The following SH3PXD2A variants were observed in gnomAD, a reference collection of about 807,000 sequenced individuals.
SH3PXD2A encodes SH3 and PX domain-containing protein 2A.
SH3PXD2A carries 32 observed loss-of-function variants against 115.2 expected under a neutral mutation model. That is an observed-to-expected ratio of 0.28 (90% CI 0.21 to 0.37). The LOEUF is 0.37. Ranked by LOEUF, SH3PXD2A falls within the 10% of genes least tolerant of loss-of-function variation. The pLI is 1.00. For synonymous variants in SH3PXD2A, 610 were observed against 629.1 expected, an observed-to-expected ratio of 0.97 and a Z score of 0.45; for missense variants, 1,328 against 1,498.7, an observed-to-expected ratio of 0.89 and a Z score of 1.88.
At chr10:103,744,120 G>C (rs2038473825) in intron 3 of SH3PXD2A, among the ~76,000 whole-genome samples, 2 of 151,828 alleles carry the variant, frequency 1.3e-5, no homozygotes, top group South Asian at 4.2e-4. Context: ...CCTAGGCTAG[G>C]GTGGGAGTGG....
chr10:103,827,235 G>C (rs1286486137), intron 1 of SH3PXD2A, among the ~76,000 whole-genome samples: 1 of 152,116 alleles, frequency 6.6e-6, no homozygotes, highest in Non-Finnish European at 1.5e-5. Context: ...TAAAAACTGG[G>C]CCACTTCTGG....
chr10:103,822,612 G>A (rs917637112), intron 1 of SH3PXD2A, among the ~76,000 whole-genome samples: 1 of 152,238 alleles, frequency 6.6e-6, no homozygotes, highest in African/African-American at 2.4e-5. Context: ...CAAGCTCAGG[G>A]CAGCCTCTTC....
chr10:103,614,938 C>T (rs7901223), intron 11 of SH3PXD2A, among the ~76,000 whole-genome samples: 20,890 of 152,136 alleles, frequency 0.14, 1,659 homozygotes, highest in East Asian at 0.31. Context: ...GAGCCAAGCT[C>T]GCCTCCCCAG....
chr10:103,745,032 C>T (rs2038485933), intron 3 of SH3PXD2A, among the ~76,000 whole-genome samples: 1 of 152,230 alleles, frequency 6.6e-6, no homozygotes, highest in Non-Finnish European at 1.5e-5. Flanking sequence ...CAGCCATGGG[C>T]ATGCAACCCA....
chr10:103,830,199 G>A (rs754045087), intron 1 of SH3PXD2A, among the ~76,000 whole-genome samples: 1 of 152,246 alleles, frequency 6.6e-6, no homozygotes, highest in Non-Finnish European at 1.5e-5. Flanking sequence ...GATAATGGAG[G>A]AAGGTTTCGG....
At chr10:103,712,001 G>A (rs1294757267) in intron 5 of SH3PXD2A, among the ~76,000 whole-genome samples, 3 of 151,672 alleles carry the variant, frequency 2.0e-5, no homozygotes, top group African/African-American at 7.3e-5. Flanking sequence ...AGCCACGATT[G>A]TGCCACTGAG....
intron 8 of SH3PXD2A, among the ~76,000 whole-genome samples, chr10:103,644,711 G>T (rs1446436850): frequency 6.6e-6 from 1 of 152,192 alleles, no homozygotes; most frequent in African/African-American, 2.4e-5. Flanking sequence ...GCCTAAACTG[G>T]ATGGTAGCCC....
chr10:103,724,407 G>T, intron 4 of SH3PXD2A, 46 bp from the exon 5 acceptor site: 1 of 1,213,268 alleles, frequency 8.2e-7, no homozygotes, highest in South Asian at 1.4e-5. Context: ...ATGAACTTGG[G>T]AACAGGAAAA....
At chr10:103,801,000 G>C (rs77646160) in intron 2 of SH3PXD2A, among the ~76,000 whole-genome samples, 18,584 of 152,096 alleles carry the variant, frequency 0.12, 1,602 homozygotes, top group Non-Finnish European at 0.17. Context: ...CCATCCTCCC[G>C]CCTCTTCACC....
rs2134212062 is a variant in SH3PXD2A at position 103,756,382 on chromosome 10, C to T, written c.229+10712G>A. ...GTGGGAGTTTATCTCTTCCAGTGCC[C>T]CTCACCTCCTAAGAAGTTGTTGGGG... On this transcript the variant is annotated intron_variant, in intron 3 of 14. Transcript: ENST00000369774. This position sits in a 1 kb window ranked among gnomAD's most constrained non-coding sequence, Gnocchi z 4.4. Among the ~76,000 whole-genome samples the T allele has an allele frequency of 6.6e-6, 1 of 152,158 alleles. No individual in the cohort carries two copies. The highest frequency in any genetic ancestry group is 2.1e-4 in the South Asian group (1 of 4,816).
rs1216266168 is a variant in SH3PXD2A at position 103,746,376 on chromosome 10, G to A, written c.230-10568C>T. On this transcript the variant is annotated intron_variant, in intron 3 of 14. Transcript: ENST00000369774. This position sits in a 1 kb window ranked among gnomAD's most constrained non-coding sequence, Gnocchi z 4.4. The stretch of plus-strand genomic sequence containing the variant: ...GCTCTGTTGCCCAGCCTGGAGTGCA[G>A]GGGAGTGATCTCGGCTCACTGCAAT... Among the ~76,000 whole-genome samples, 1 of 152,150 alleles carries A rather than the reference G, an allele frequency of 6.6e-6. No homozygotes were observed. The highest frequency in any genetic ancestry group is 1.5e-5 in the Non-Finnish European group (1 of 68,026).
In SH3PXD2A at chr10:103,602,671, G is replaced by C; in HGVS notation, c.2547C>G (p.Ser849Arg). 1 of 1,614,166 alleles carries C rather than the reference G, an allele frequency of 6.2e-7. No homozygotes were observed. Among genetic ancestry groups the C allele is most frequent in the Admixed American group, 1.7e-5 (1 of 60,022 alleles). Residue 849 changes from serine to arginine, a missense_variant, in exon 15 of 15, where the codon AGC becomes AGG. This residue lies in a region of SH3PXD2A where 574 missense variants were observed against 565.7 expected (regional missense o/e 1.01). Coordinates refer to ENST00000369774, the MANE Select transcript of SH3PXD2A (RefSeq NM_001394015.1). The part of the protein sequence containing the change: ...EGPATSYMTC[S>R]AYQKVQDSEI... ...CCGAGTCCTGGACCTTCTGGTAGGC[G>C]CTGCATGTCATGTACGAGGTGGCTG...
chr10:103,640,450 C>G (rs1279238354), intron 8 of SH3PXD2A, among the ~76,000 whole-genome samples: 4 of 152,226 alleles, frequency 2.6e-5, no homozygotes, highest in Middle Eastern at 3.4e-3. Context: ...GCCTGGCACA[C>G]GGATCCCCAG....
chr10:103,612,845 G>T lies in SH3PXD2A; in HGVS notation c.1258+8C>A. 6.5e-7 allele frequency: 1 copy of T among 1,535,300 alleles called. No individual in the cohort carries two copies. Among genetic ancestry groups the T allele is most frequent in the Non-Finnish European group, 8.8e-7 (1 of 1,142,660 alleles). On this transcript the variant is annotated splice_region_variant and intron_variant, in intron 12 of 14. Transcript: ENST00000369774. The stretch of plus-strand genomic sequence containing the variant: ...CAGTGAGGACCTAGAGGTCAGCGAG[G>T]CTCTTACTGATCTGGGCCCGCTGAG...
chr10:103,811,270 G>A (rs577654646), intron 1 of SH3PXD2A, among the ~76,000 whole-genome samples: 35 of 152,298 alleles, frequency 2.3e-4, no homozygotes, highest in Non-Finnish European at 4.1e-4. Context: ...CCCCCAGAAC[G>A]AGAAGAAAAA....
At chr10:103,768,752 T>C (rs553730226) in intron 2 of SH3PXD2A, among the ~76,000 whole-genome samples, 1 of 152,254 alleles carries the variant, frequency 6.6e-6, no homozygotes, top group South Asian at 2.1e-4. Flanking sequence ...CGGTTTGTCT[T>C]AGTCTGTTTA....
intron 1 of SH3PXD2A, among the ~76,000 whole-genome samples, chr10:103,812,464 G>C (rs2039280001): frequency 6.6e-6 from 1 of 151,994 alleles, no homozygotes; most frequent in South Asian, 2.1e-4. Flanking sequence ...GGCTTCCAAG[G>C]GGCTTGGAAA....
At chr10:103,752,624 G>A (rs112474213) in intron 3 of SH3PXD2A, among the ~76,000 whole-genome samples, 4 of 152,210 alleles carry the variant, frequency 2.6e-5, no homozygotes, top group Non-Finnish European at 4.4e-5. Context: ...TTTTAGGAAT[G>A]AATAAGTAAA....
chr10:103,622,339 G>T (rs1001439784), intron 10 of SH3PXD2A, 131 bp downstream of exon 10: 6 of 661,648 alleles, frequency 9.1e-6, no homozygotes, highest in Non-Finnish European at 1.6e-5. Context: ...TAGGTGAGAA[G>T]AAAGCCTGGC....
Sources: gnomAD v4.1 joint callset for allele counts (sites outside exome capture counted in the v4.1 genomes callset) on GRCh38, gnomAD v4.1.1 for gene constraint, gnomAD v4.1.1 regional missense constraint, Gnocchi (gnomAD v3.1) non-coding constraint, MANE v1.5 for transcripts, NCBI Gene and HGNC (gene_info 2026-07-23, HGNC 2026-07-21) for gene names.